Variants in CRISPLD2 observed in about 807,000 individuals in gnomAD.
The protein encoded by CRISPLD2 is cysteine-rich secretory protein LCCL domain-containing 2.
CRISPLD2 carries 47 observed loss-of-function variants against 71.1 expected under a neutral mutation model. The ratio of observed to expected loss-of-function variants is 0.66; its 90% CI spans 0.52 to 0.84. The LOEUF (loss-of-function observed/expected upper bound fraction) is 0.84. Among genes scored for constraint, CRISPLD2 ranks in the 40% least tolerant of loss-of-function variants. The pLI, the probability that CRISPLD2 is intolerant of heterozygous loss-of-function variation, is 0.00. For missense variants in CRISPLD2, 830 were observed against 651.1 expected (o/e 1.27, Z -2.99); for synonymous variants, 317 against 250.1 (o/e 1.27, Z -2.52).
At chr16:84,898,458 G>T (rs554016916) in intron 14 of CRISPLD2, among the ~76,000 whole-genome samples, 17 of 152,190 alleles carry the variant, frequency 1.1e-4, no homozygotes, top group African/African-American at 3.6e-4. Flanking sequence ...GCACACCTCA[G>T]TGCTTTTGTA....
intron 1 of CRISPLD2, among the ~76,000 whole-genome samples, chr16:84,821,026 G>A (rs1916218402): frequency 6.6e-6 from 1 of 152,192 alleles, no homozygotes; most frequent in Non-Finnish European, 1.5e-5. Flanking sequence ...AACTTGAATT[G>A]GGCGTCTCTC....
intron 14 of CRISPLD2, among the ~76,000 whole-genome samples, chr16:84,893,554 C>A (rs142741049): frequency 1.3e-5 from 2 of 152,264 alleles, no homozygotes; most frequent in South Asian, 4.1e-4. Context: ...CAGCAGACCT[C>A]TGCCGTCATG....
intron 11 of CRISPLD2, among the ~76,000 whole-genome samples, chr16:84,876,182 C>T (rs920666042): frequency 4.1e-4 from 62 of 152,210 alleles, no homozygotes; most frequent in African/African-American, 1.5e-3. Context: ...CAAAGCCAAA[C>T]ATGTTTGCTC....
At chr16:84,837,027 G>C (rs1916637555) in intron 1 of CRISPLD2, among the ~76,000 whole-genome samples, 1 of 152,196 alleles carries the variant, frequency 6.6e-6, no homozygotes, top group African/African-American at 2.4e-5. Flanking sequence ...TGAGGCCAGG[G>C]ACAGAGTCCT....
At chr16:84,875,801 G>C (rs2071513712) in intron 11 of CRISPLD2, among the ~76,000 whole-genome samples, 1 of 151,142 alleles carries the variant, frequency 6.6e-6, no homozygotes. Context: ...CCTGACCTCA[G>C]GTGATCCACC....
At chr16:84,897,107 G>T (rs2071712949) in intron 14 of CRISPLD2, among the ~76,000 whole-genome samples, 1 of 152,234 alleles carries the variant, frequency 6.6e-6, no homozygotes, top group Non-Finnish European at 1.5e-5. Context: ...GAGCTCTTCA[G>T]AGAGTCCCTG....
intron 13 of CRISPLD2, among the ~76,000 whole-genome samples, chr16:84,881,176 A>AT (rs949431848): frequency 6.6e-6 from 1 of 152,010 alleles, no homozygotes; most frequent in Non-Finnish European, 1.5e-5. Context: ...CAGATAGTTC[A>AT]TTTTTCCGGC....
intron 1 of CRISPLD2, among the ~76,000 whole-genome samples, chr16:84,822,545 TC>T (rs1186256671): frequency 2.6e-5 from 4 of 152,196 alleles, no homozygotes; most frequent in African/African-American, 9.7e-5. Context: ...GGAGGCTTTT[TC>T]TTTCTTTTTC....
At chr16:84,887,593 C>T (rs1197467271) in intron 13 of CRISPLD2, among the ~76,000 whole-genome samples, 4 of 152,232 alleles carry the variant, frequency 2.6e-5, no homozygotes, top group Non-Finnish European at 4.4e-5. Flanking sequence ...AATTTGAAGT[C>T]AGGCCGGGCG....
intron 14 of CRISPLD2, among the ~76,000 whole-genome samples, chr16:84,901,120 G>A (rs1207266527): frequency 2.6e-5 from 4 of 151,662 alleles, no homozygotes; most frequent in Admixed American, 2.6e-4. Flanking sequence ...TTATTACAAT[G>A]GAATACTATG....
chr16:84,864,736 G>A lies in CRISPLD2; in HGVS notation c.710-2161G>A, dbSNP rs935330571. Among the ~76,000 whole-genome samples the A allele has an allele frequency of 2.0e-5, 3 of 152,368 alleles. No homozygotes were observed. The East Asian group carries it at 5.8e-4, about 29-fold the overall frequency. ...AGCTGCTGTGTGCTGGGTGCCAGGT[G>A]TGAGGCAGGCTGGCCCCTGGCCTCT... On this transcript the variant is annotated intron_variant, in intron 6 of 14. Transcript: ENST00000262424.
intron 14 of CRISPLD2, among the ~76,000 whole-genome samples, chr16:84,906,159 C>T (rs1201439164): frequency 1.3e-5 from 2 of 152,042 alleles, no homozygotes; most frequent in African/African-American, 4.8e-5. Context: ...ATAACAGCTC[C>T]CTCAGGAGGA....
intron 2 of CRISPLD2, among the ~76,000 whole-genome samples, chr16:84,843,575 C>A (rs919045027): frequency 6.6e-6 from 1 of 152,174 alleles, no homozygotes; most frequent in African/African-American, 2.4e-5. Flanking sequence ...TCCTCACCTG[C>A]ATGATGGGAA....
chr16:84,895,656 T>C (rs2071699503), intron 14 of CRISPLD2, among the ~76,000 whole-genome samples: 1 of 152,216 alleles, frequency 6.6e-6, no homozygotes, highest in South Asian at 2.1e-4. Context: ...GACAGTTCCC[T>C]AGAGTGTGGG....
intron 1 of CRISPLD2, among the ~76,000 whole-genome samples, chr16:84,831,980 C>T (rs1916499906): frequency 1.3e-5 from 2 of 152,338 alleles, no homozygotes; most frequent in Admixed American, 6.5e-5. Context: ...GGTGATCCAC[C>T]CACCTTGGCC....
chr16:84,826,474 A>T (rs1028243147), intron 1 of CRISPLD2, among the ~76,000 whole-genome samples: 9 of 152,174 alleles, frequency 5.9e-5, no homozygotes, highest in Non-Finnish European at 1.2e-4. Context: ...ACATTTACTT[A>T]TAACCCCTGA....
chr16:84,888,265 G>A (rs1360472161), intron 13 of CRISPLD2, among the ~76,000 whole-genome samples: 1 of 152,200 alleles, frequency 6.6e-6, no homozygotes, highest in Admixed American at 6.5e-5. Flanking sequence ...CGAGTGCAGT[G>A]GCTCATGCCT....
intron 14 of CRISPLD2, among the ~76,000 whole-genome samples, chr16:84,895,383 TA>T (rs2071697415): frequency 1.3e-5 from 2 of 152,196 alleles, no homozygotes; most frequent in African/African-American, 4.8e-5. Context: ...AATGCCAAGA[TA>T]TACTTGTTCC....
At chr16:84,904,562 C>T (rs1034692846) in intron 14 of CRISPLD2, among the ~76,000 whole-genome samples, 2 of 146,446 alleles carry the variant, frequency 1.4e-5, no homozygotes, top group African/African-American at 2.5e-5. Context: ...CCAGCCTGGG[C>T]AACAGAGCGA....
Sources: gnomAD v4.1 joint callset for allele counts (sites outside exome capture counted in the v4.1 genomes callset) on GRCh38, gnomAD v4.1.1 for gene constraint, MANE v1.5 for transcripts, NCBI Gene and HGNC (gene_info 2026-07-23, HGNC 2026-07-21) for gene names.